The following DPYSL5 variants were observed in gnomAD, a reference collection of about 807,000 sequenced individuals.
DPYSL5 encodes the protein dihydropyrimidinase like 5.
DPYSL5 carries 9 observed loss-of-function variants against 58.4 expected under a neutral mutation model. That is an observed-to-expected ratio of 0.15 (90% CI 0.09 to 0.27). The LOEUF (loss-of-function observed/expected upper bound fraction) is 0.27. DPYSL5 is among the 10% of genes least tolerant of loss of function. DPYSL5 has a pLI of 1.00. For synonymous variants in DPYSL5, 293 were observed against 301.9 expected, an observed-to-expected ratio of 0.97 and a Z score of 0.31; for missense variants, 499 against 770.6, an observed-to-expected ratio of 0.65 and a Z score of 4.17.
intron 2 of DPYSL5, among the ~76,000 whole-genome samples, chr2:26,915,439 C>T (rs1439174198): frequency 6.6e-6 from 1 of 152,238 alleles, no homozygotes; most frequent in Admixed American, 6.5e-5. Flanking sequence ...TCGCTCTGAG[C>T]TCCAAACCAA....
rs190370860 is a variant in DPYSL5, at chr2:26,893,799, A to C, written c.-4-4697A>C. 3.3e-5 allele frequency among the ~76,000 whole-genome samples: 5 copies of C among 152,266 alleles called. No homozygotes were observed. The East Asian group carries it at 9.6e-4, about 29-fold the overall frequency. On this transcript the variant is annotated intron_variant, in intron 1 of 12. Coordinates refer to ENST00000288699, the MANE Select transcript of DPYSL5 (RefSeq NM_020134.4). ...AGTGAAGGCACAAAGAGAGTCAGAG[A>C]AAACTTTTCAGAAGAGGGGACAATT...
intron 1 of DPYSL5, among the ~76,000 whole-genome samples, chr2:26,894,701 T>C (rs901957177): frequency 1.3e-5 from 2 of 152,220 alleles, no homozygotes; most frequent in Non-Finnish European, 2.9e-5. Context: ...AAATTGATAC[T>C]TTCCCTCAGC....
chr2:26,874,313 G>A (rs1191504746), intron 1 of DPYSL5, among the ~76,000 whole-genome samples: 1 of 152,078 alleles, frequency 6.6e-6, no homozygotes, highest in Non-Finnish European at 1.5e-5. Context: ...TAGGGTTCAT[G>A]CTTTTTATGT....
At chr2:26,930,697 G>A (rs542364423) in intron 5 of DPYSL5, among the ~76,000 whole-genome samples, 151 of 152,068 alleles carry the variant, frequency 9.9e-4, no homozygotes, top group African/African-American at 3.4e-3. Flanking sequence ...AGCATGGGCC[G>A]GGCATGGTGG....
At position 26,946,920 on chromosome 2, in the gene DPYSL5, C is replaced by A; in HGVS notation, c.1620C>A (p.Ile540=). The A allele has an allele frequency of 4.3e-6, 7 of 1,614,054 alleles. No homozygotes were observed. Among genetic ancestry groups the A allele is most frequent in the Non-Finnish European group, 5.9e-6 (7 of 1,179,888 alleles). ...CTTCCTTCCCTGCAGGCTCTCAGAT[C>A]GATGACCATGTTCCAAAGCGAGCTT... ...ESSFSLSGSQ[I]DDHVPKRASA... The change falls in exon 13 of 13, where the codon ATC becomes ATA. Residue 540 remains isoleucine, a synonymous_variant. Transcript: ENST00000288699.
chr2:26,878,647 G>A (rs1203594989), intron 1 of DPYSL5, among the ~76,000 whole-genome samples: 1 of 152,090 alleles, frequency 6.6e-6, no homozygotes, highest in Admixed American at 6.6e-5. Flanking sequence ...GAATGCAAAT[G>A]TACTGATGCT....
At chr2:26,863,213 G>A (rs1323934068) in intron 1 of DPYSL5, among the ~76,000 whole-genome samples, 1 of 152,092 alleles carries the variant, frequency 6.6e-6, no homozygotes, top group Non-Finnish European at 1.5e-5. Flanking sequence ...TTCCTCCAAT[G>A]TTCAGCTGTG....
Position 26,947,073 on chromosome 2 carries a change from G to A in DPYSL5, c.*78G>A, listed in dbSNP as rs1344650998. ...CTCTCCAGCCGAAGCTGCAGGGGCA[G>A]GAGAGGCTGGGCTGGGTGGCACACC... is the stretch of plus-strand genomic sequence containing the variant. On this transcript the variant is annotated 3_prime_UTR_variant, in exon 13 of 13. Coordinates refer to ENST00000288699, the MANE Select transcript of DPYSL5 (RefSeq NM_020134.4). This position sits in a 1 kb window ranked among gnomAD's most constrained non-coding sequence, Gnocchi z 4.2. 1.5e-6 allele frequency: 2 copies of A among 1,305,022 alleles called. No individual in the cohort carries two copies. The highest frequency in any genetic ancestry group is 1.1e-6 in the Non-Finnish European group (1 of 922,412). The allele number at this position is 1,305,022 out of a possible 1,614,324, so 80.8% of individuals were successfully genotyped here.
At chr2:26,907,973 C>G (rs1243106151) in intron 2 of DPYSL5, among the ~76,000 whole-genome samples, 1 of 152,150 alleles carries the variant, frequency 6.6e-6, no homozygotes, top group African/African-American at 2.4e-5. Context: ...CAGACTGGGG[C>G]TATGAATGCT....
rs904088706 is a variant in DPYSL5 at position 26,933,729 on chromosome 2, G to T, written c.790+396G>T. On this transcript the variant is annotated intron_variant, in intron 7 of 12. Coordinates refer to ENST00000288699, the MANE Select transcript of DPYSL5 (RefSeq NM_020134.4). This position sits in a 1 kb window ranked among gnomAD's most constrained non-coding sequence, Gnocchi z 4.2. ...GGGCATTTCAGGGGCTGTTTGGGAA[G>T]TCCCTAAAGAAAGAACAGTGTGTGG... Among the ~76,000 whole-genome samples, 1 of 152,190 alleles carries T rather than the reference G, an allele frequency of 6.6e-6. No homozygotes were observed. The highest frequency in any genetic ancestry group is 1.5e-5 in the Non-Finnish European group (1 of 68,034).
chr2:26,872,005 C>G (rs1663272961), intron 1 of DPYSL5, among the ~76,000 whole-genome samples: 1 of 152,124 alleles, frequency 6.6e-6, no homozygotes, highest in African/African-American at 2.4e-5. Context: ...TTAGAAGATA[C>G]ACACCCACCA....
intron 2 of DPYSL5, among the ~76,000 whole-genome samples, chr2:26,910,582 TA>T (rs1381713009): frequency 6.6e-6 from 1 of 151,522 alleles, no homozygotes; most frequent in East Asian, 1.9e-4. Flanking sequence ...AATCTGAATA[TA>T]AGAGTTGTTT....
chr2:26,892,674 AAAACAAAAACAAAAAAAC>A lies in DPYSL5; in HGVS notation c.-4-5805_-4-5788del, dbSNP rs1162460520. Among the ~76,000 whole-genome samples, 18 of 152,010 alleles carry A rather than the reference AAAACAAAAACAAAAAAAC, an allele frequency of 1.2e-4. No individual in the cohort carries two copies. In the East Asian group the frequency reaches 2.5e-3, roughly 21 times the overall value. On this transcript the variant is annotated intron_variant, in intron 1 of 12. Transcript: ENST00000288699. Reference sequence around the variant, plus strand: ...CAATGACATAGAGAACTAAAAAAAAAAAACAAAAACAAAAAAACAAACAAAAACAAAAAACAATTTAAG... The same window carrying A: ...CAATGACATAGAGAACTAAAAAAAAAAAACAAAAACAAAAAACAATTTAAG...
At chr2:26,874,684 TCCAGGTGTC>T (rs1663366326) in intron 1 of DPYSL5, among the ~76,000 whole-genome samples, 1 of 152,264 alleles carries the variant, frequency 6.6e-6, no homozygotes, top group Non-Finnish European at 1.5e-5. Context: ...TGTGGCATTT[TCCAGGTGTC>T]CCAGGAGGCC....
At position 26,942,827 on chromosome 2, in the gene DPYSL5, C is replaced by T; in HGVS notation, c.1440+77C>T. 1 of 1,516,370 alleles carries T rather than the reference C, an allele frequency of 6.6e-7. No homozygotes were observed. The highest frequency in any genetic ancestry group is 9.1e-7 in the Non-Finnish European group (1 of 1,104,276). The allele number at this position is 1,516,370 out of a possible 1,614,324, so 93.9% of individuals were successfully genotyped here. On this transcript the variant is annotated intron_variant, in intron 11 of 12. Transcript: ENST00000288699. This position sits in a 1 kb window ranked among gnomAD's most constrained non-coding sequence, Gnocchi z 5.9. ...CATCCTCCATGACTGTTTTAAATCT[C>T]AAAGAGATGTTCACTCCAGTTTTCG... is the stretch of plus-strand genomic sequence containing the variant.
rs921358682 is a variant in DPYSL5 at position 26,949,489 on chromosome 2, A to G, written c.*2494A>G. 2.0e-5 allele frequency: 3 copies of G among 152,422 alleles called. No individual in the cohort carries two copies. Among genetic ancestry groups the G allele is most frequent in the Admixed American group, 1.3e-4 (2 of 15,290 alleles). The allele number at this position is 152,422 out of a possible 1,614,324, so 9.4% of individuals were successfully genotyped here. On this transcript the variant is annotated 3_prime_UTR_variant, in exon 13 of 13. Transcript: ENST00000288699. ...GACGCCGCCTCCTGGTGCAGTGCAC[A>G]CCATCTCTATCCCTGTCAGCCCTCA...
At chr2:26,895,122 A>G (rs1265724709) in intron 1 of DPYSL5, among the ~76,000 whole-genome samples, 1 of 152,238 alleles carries the variant, frequency 6.6e-6, no homozygotes, top group African/African-American at 2.4e-5. Context: ...AAGATCATGC[A>G]GTCTTGATTA....
At chr2:26,914,050 G>A (rs1664503396) in intron 2 of DPYSL5, among the ~76,000 whole-genome samples, 1 of 152,166 alleles carries the variant, frequency 6.6e-6, no homozygotes, top group Non-Finnish European at 1.5e-5. Flanking sequence ...AGCCAGGGAG[G>A]GATCGCCCAG....
chr2:26,906,948 G>A (rs1664307264), intron 2 of DPYSL5, among the ~76,000 whole-genome samples: 1 of 151,622 alleles, frequency 6.6e-6, no homozygotes, highest in Non-Finnish European at 1.5e-5. Flanking sequence ...TTTATTTTTT[G>A]TAGAGACCGG....
Sources: allele counts gnomAD v4.1 joint callset (sites outside exome capture counted in the v4.1 genomes callset), GRCh38; gene constraint gnomAD v4.1.1; non-coding constraint Gnocchi (gnomAD v3.1); transcripts MANE v1.5; gene names NCBI Gene and HGNC (gene_info 2026-07-23, HGNC 2026-07-21).